MACROD2: variants seen among roughly 807,000 people sequenced by gnomAD.
MACROD2 encodes the protein ADP-ribose glycohydrolase MACROD2.
In MACROD2, 36 loss-of-function variants were observed where a neutral mutation model predicts 70.4. That is an observed-to-expected ratio of 0.51 (90% CI 0.39 to 0.68). The LOEUF (loss-of-function observed/expected upper bound fraction) is 0.68. Among genes scored for constraint, MACROD2 ranks in the 30% least tolerant of loss-of-function variants. MACROD2 has a pLI of 0.00. For synonymous variants in MACROD2, 172 were observed against 178.8 expected, an observed-to-expected ratio of 0.96 and a Z score of 0.30; for missense variants, 496 against 538.4, an observed-to-expected ratio of 0.92 and a Z score of 0.78.
At chr20:14,052,294 A>C (rs2148649688) in intron 2 of MACROD2, among the ~76,000 whole-genome samples, 1 of 152,304 alleles carries the variant, frequency 6.6e-6, no homozygotes, top group South Asian at 2.1e-4. Context: ...TTACATGATA[A>C]TATGATTCAT....
At chr20:15,325,747 AG>A (rs1196267342) in intron 6 of MACROD2, among the ~76,000 whole-genome samples, 5 of 152,298 alleles carry the variant, frequency 3.3e-5, no homozygotes, top group South Asian at 4.1e-4. Flanking sequence ...CCAAGGGAAC[AG>A]GGGTTCCATT....
chr20:14,397,856 A>G (rs896306772), intron 3 of MACROD2, among the ~76,000 whole-genome samples: 2 of 152,154 alleles, frequency 1.3e-5, no homozygotes, highest in Admixed American at 1.3e-4. Flanking sequence ...GTAATTTTAT[A>G]TCTATTAATA....
chr20:15,614,423 A>G (rs2049010290), intron 8 of MACROD2, among the ~76,000 whole-genome samples: 1 of 152,118 alleles, frequency 6.6e-6, no homozygotes, highest in Non-Finnish European at 1.5e-5. Context: ...AAATCCTGGA[A>G]TTGCAATTCA....
At chr20:15,475,090 C>G (rs2047005428) in intron 7 of MACROD2, among the ~76,000 whole-genome samples, 1 of 152,050 alleles carries the variant, frequency 6.6e-6, no homozygotes, top group Non-Finnish European at 1.5e-5. Flanking sequence ...CTATTAACAT[C>G]ACATTTACAT....
At chr20:14,581,511 GT>G (rs1168540622) in intron 4 of MACROD2, among the ~76,000 whole-genome samples, 1 of 152,182 alleles carries the variant, frequency 6.6e-6, no homozygotes, top group African/African-American at 2.4e-5. Flanking sequence ...CTGGGATAGA[GT>G]TTCTATTTTA....
chr20:14,463,078 A>T (rs920052362), intron 3 of MACROD2, among the ~76,000 whole-genome samples: 1 of 152,034 alleles, frequency 6.6e-6, no homozygotes, highest in Non-Finnish European at 1.5e-5. Flanking sequence ...GAAGAAAGTC[A>T]TTGGTAGCTT....
At chr20:14,246,606 G>A (rs777347408) in intron 3 of MACROD2, among the ~76,000 whole-genome samples, 21 of 152,078 alleles carry the variant, frequency 1.4e-4, no homozygotes, top group Non-Finnish European at 2.6e-4. Context: ...TCAACCTTCC[G>A]GAATGAGAGA....
intron 2 of MACROD2, among the ~76,000 whole-genome samples, chr20:14,084,290 G>A (rs1410942198): frequency 1.3e-5 from 2 of 151,924 alleles, no homozygotes; most frequent in Non-Finnish European, 1.5e-5. Context: ...GCATGCTCAT[G>A]AGAGTATCTC....
At chr20:15,464,117 C>T (rs6043297) in intron 7 of MACROD2, among the ~76,000 whole-genome samples, 9 of 152,156 alleles carry the variant, frequency 5.9e-5, no homozygotes, top group Non-Finnish European at 1.0e-4. Context: ...GGCACAATCA[C>T]GACTCACTGC....
intron 4 of MACROD2, among the ~76,000 whole-genome samples, chr20:14,515,461 A>ACC (rs2085083334): frequency 1.2e-5 from 1 of 80,848 alleles, no homozygotes; most frequent in Non-Finnish European, 2.3e-5. Context: ...AGATACACAC[A>ACC]CACGCACACA....
At chr20:15,678,893 A>G (rs1021862620) in intron 8 of MACROD2, among the ~76,000 whole-genome samples, 5 of 152,194 alleles carry the variant, frequency 3.3e-5, no homozygotes, top group African/African-American at 9.6e-5. Flanking sequence ...TATTCCCATC[A>G]TGGCCAATTT....
intron 6 of MACROD2, among the ~76,000 whole-genome samples, chr20:15,358,286 A>C (rs1254989776): frequency 6.6e-6 from 1 of 152,202 alleles, no homozygotes; most frequent in East Asian, 1.9e-4. Context: ...ATGCATTAAA[A>C]GATGTAAGTA....
At chr20:14,176,194 A>G (rs2081261879) in intron 3 of MACROD2, among the ~76,000 whole-genome samples, 1 of 152,232 alleles carries the variant, frequency 6.6e-6, no homozygotes, top group African/African-American at 2.4e-5. Flanking sequence ...CTGAGAGATT[A>G]CTATGAATCA....
intron 6 of MACROD2, among the ~76,000 whole-genome samples, chr20:15,306,668 G>A (rs912075675): frequency 6.6e-6 from 1 of 152,076 alleles, no homozygotes; most frequent in African/African-American, 2.4e-5. Context: ...AGAGAAGAAA[G>A]GACTTCCCTG....
chr20:15,797,109 G>A lies in MACROD2; in HGVS notation c.646-65636G>A, dbSNP rs536022695. ...ACCTTTTAGGGTTCTTTTTTTGTTT[G>A]TTTGTTTGTTTGTTTTGTTTTTGAG... On this transcript the variant is annotated intron_variant, in intron 8 of 17. Coordinates refer to ENST00000684519, the MANE Select transcript of MACROD2 (RefSeq NM_001351661.2). Among the ~76,000 whole-genome samples the A allele has an allele frequency of 2.2e-4, 34 of 151,830 alleles. 1 individual carries two copies. Among genetic ancestry groups the A allele is most frequent in the East Asian group, 3.9e-4 (2 of 5,134 alleles).
intron 5 of MACROD2, among the ~76,000 whole-genome samples, chr20:14,789,067 T>A (rs557388799): frequency 6.6e-6 from 1 of 152,006 alleles, no homozygotes; most frequent in South Asian, 2.1e-4. Context: ...CCACGCCTGG[T>A]CCCCGTGTTA....
chr20:15,351,641 G>A (rs1001018010), intron 6 of MACROD2, among the ~76,000 whole-genome samples: 11 of 152,104 alleles, frequency 7.2e-5, no homozygotes, highest in African/African-American at 2.2e-4. Context: ...AGTGAGCTCC[G>A]TGAGTCCTAC....
intron 3 of MACROD2, among the ~76,000 whole-genome samples, chr20:14,245,384 G>A (rs995126059): frequency 6.6e-6 from 1 of 150,442 alleles, no homozygotes; most frequent in East Asian, 2.0e-4. Context: ...AAAAAAATTC[G>A]TATGCTTTTG....
Position 15,010,976 on chromosome 20 carries a change from A to G in MACROD2, c.419-218964A>G, listed in dbSNP as rs2075078381. On this transcript the variant is annotated intron_variant, in intron 5 of 17. Coordinates refer to ENST00000684519, the MANE Select transcript of MACROD2 (RefSeq NM_001351661.2). ...ACTTATTTTGGAGTGACATCCTCAAAGCATGCTGAGGACTGCAACTACCAA... is the reference window on the plus strand; with the variant it reads ...ACTTATTTTGGAGTGACATCCTCAAGGCATGCTGAGGACTGCAACTACCAA... 3.3e-5 allele frequency among the ~76,000 whole-genome samples: 5 copies of G among 152,314 alleles called. No homozygotes were observed. In the South Asian group the frequency reaches 8.3e-4, roughly 25 times the overall value.
Sources: gnomAD v4.1 joint callset for allele counts (sites outside exome capture counted in the v4.1 genomes callset) on GRCh38, gnomAD v4.1.1 for gene constraint, MANE v1.5 for transcripts, NCBI Gene and HGNC (gene_info 2026-07-23, HGNC 2026-07-21) for gene names.